The following SNX29 variants were observed in gnomAD, a reference collection of about 807,000 sequenced individuals.
SNX29 encodes sorting nexin 29.
A neutral mutation model predicts 102.1 loss-of-function variants in SNX29; 78 were observed. That is an observed-to-expected ratio of 0.76 (90% CI 0.64 to 0.92). The LOEUF (loss-of-function observed/expected upper bound fraction) is 0.92. Among genes scored for constraint, SNX29 ranks in the 40% least tolerant of loss-of-function variants. The pLI is 0.00. For missense variants in SNX29, 1,280 were observed against 1,061.7 expected (o/e 1.21, Z -2.86); for synonymous variants, 580 against 414.5 (o/e 1.40, Z -4.85).
intron 20 of SNX29, among the ~76,000 whole-genome samples, chr16:12,544,900 A>C (rs952093330): frequency 2.0e-5 from 3 of 152,200 alleles, no homozygotes; most frequent in African/African-American, 7.2e-5. Context: ...GTGGGCCAGT[A>C]ATCAATAGTC....
At chr16:12,538,829 C>T (rs527355420) in intron 20 of SNX29, among the ~76,000 whole-genome samples, 4 of 152,238 alleles carry the variant, frequency 2.6e-5, no homozygotes, top group Admixed American at 1.3e-4. Flanking sequence ...GAGGGCACTG[C>T]AAAGTCACGT....
At chr16:12,056,024 GGAGT>G (rs2050506812) in intron 8 of SNX29, among the ~76,000 whole-genome samples, 1 of 152,120 alleles carries the variant, frequency 6.6e-6, no homozygotes, top group African/African-American at 2.4e-5. Context: ...TGGGACTACA[GGAGT>G]GTGCCACTAT....
chr16:12,421,993 A>ATCAGCCATCCATCCCTTTCATCG (rs1338937547), intron 18 of SNX29, among the ~76,000 whole-genome samples: 49 of 152,236 alleles, frequency 3.2e-4, no homozygotes, highest in Non-Finnish European at 5.0e-4. Flanking sequence ...CATCACCATC[A>ATCAGCCATCCATCCCTTTCATCG]TCAGCCATCC....
At chr16:12,273,060 G>T (rs534635951) in intron 14 of SNX29, among the ~76,000 whole-genome samples, 2 of 152,162 alleles carry the variant, frequency 1.3e-5, no homozygotes, top group Admixed American at 1.3e-4. Flanking sequence ...TTTCCTGCAC[G>T]ATCTCTTGAT....
rs138877890 is a variant in SNX29 at position 12,562,609 on chromosome 16, C to G, written c.2319-5897C>G. Reference sequence around the variant, plus strand: ...GAGACGGGGACAAAGGTCGCTGGCTCTTGAGAGCTACAGGCTATCAGGGTC... The same window carrying G: ...GAGACGGGGACAAAGGTCGCTGGCTGTTGAGAGCTACAGGCTATCAGGGTC... On this transcript the variant is annotated intron_variant, in intron 20 of 20. Coordinates refer to ENST00000566228, the MANE Select transcript of SNX29 (RefSeq NM_032167.5). Among the ~76,000 whole-genome samples, 400 of 152,288 alleles carry G rather than the reference C, an allele frequency of 2.6e-3. 1 individual carries two copies. The highest frequency in any genetic ancestry group is 9.1e-3 in the African/African-American group (380 of 41,550).
In SNX29 at chr16:12,013,498, AAAATATATATATATATAT is replaced by A. The variant is rs1400933796; in HGVS notation, c.122+10457_122+10474del. On this transcript the variant is annotated intron_variant, in intron 3 of 20. Transcript: ENST00000566228. ...CTGTCTCTACTGGGGGAAAAAAAAA[AAAATATATATATATATAT>A]ATATATATATATATATATATATATA... is the stretch of plus-strand genomic sequence containing the variant. 3.4e-3 allele frequency among the ~76,000 whole-genome samples: 114 copies of A among 33,508 alleles called. 9 individuals carry two copies. Among genetic ancestry groups the A allele is most frequent in the Middle Eastern group, 0.026 (2 of 76 alleles). The allele number at this position is 33,508 out of a possible 152,430, so 22.0% of individuals were successfully genotyped here. A position where few individuals can be genotyped will look rare whatever the true frequency, so the allele number is the denominator to read the frequency against.
At chr16:12,442,356 A>T (rs188382981) in intron 18 of SNX29, among the ~76,000 whole-genome samples, 3 of 152,054 alleles carry the variant, frequency 2.0e-5, no homozygotes, top group African/African-American at 7.2e-5. Flanking sequence ...GGAAGTGTCT[A>T]TTCACTCTCC....
chr16:12,462,017 A>ATG (rs1567588170), intron 18 of SNX29, among the ~76,000 whole-genome samples: 64 of 27,380 alleles, frequency 2.3e-3, no homozygotes, highest in East Asian at 4.0e-3. Flanking sequence ...ATATATGTAT[A>ATG]CACACACACA....
rs1199106996 is a variant in SNX29, at chr16:12,261,332, C to T, written c.1679-16601C>T. 1.2e-4 allele frequency among the ~76,000 whole-genome samples: 13 copies of T among 109,462 alleles called. No individual in the cohort carries two copies. In the East Asian group the frequency reaches 1.5e-3, roughly 12 times the overall value. The allele number at this position is 109,462 out of a possible 152,430, so 71.8% of individuals were successfully genotyped here. On this transcript the variant is annotated intron_variant, in intron 14 of 20. Coordinates refer to ENST00000566228, the MANE Select transcript of SNX29 (RefSeq NM_032167.5). Reference sequence around the variant, plus strand: ...TGGAGTAAGTGTTTGCTCTGAGCTCCGGTCTGTGCGTGCGTCCCTGGCTGG... The same window carrying T: ...TGGAGTAAGTGTTTGCTCTGAGCTCTGGTCTGTGCGTGCGTCCCTGGCTGG...
At chr16:12,563,931 G>C (rs8055170) in intron 20 of SNX29, among the ~76,000 whole-genome samples, 87,626 of 152,146 alleles carry the variant, frequency 0.58, 25,781 homozygotes, top group Middle Eastern at 0.72. Flanking sequence ...ACAATACCTA[G>C]ACGCTGATCT....
At chr16:12,476,351 CA>C (rs150729550) in intron 18 of SNX29, among the ~76,000 whole-genome samples, 554 of 9,036 alleles carry the variant, frequency 0.061, 12 homozygotes, top group African/African-American at 0.091. Context: ...CGACATTTCT[CA>C]AAAAAAAAAA....
chr16:12,515,422 T>C, intron 19 of SNX29: 1 of 449,854 alleles, frequency 2.2e-6, no homozygotes, highest in South Asian at 1.7e-5. Context: ...GATGAATGAT[T>C]GCACCCCATC....
chr16:12,397,031 T>C (rs1466052858), intron 16 of SNX29, among the ~76,000 whole-genome samples: 1 of 152,206 alleles, frequency 6.6e-6, no homozygotes, highest in East Asian at 1.9e-4. Flanking sequence ...AACTACAGGC[T>C]TCTGCCGCCA....
In SNX29 at chr16:12,571,690, GAGACA is replaced by G; in HGVS notation, c.*3063_*3067del. On this transcript the variant is annotated 3_prime_UTR_variant, in exon 21 of 21. Transcript: ENST00000566228. ...GCTGGGCAGAGGTGTCTCTCCTTGA[GAGACA>G]ACAAAAGCTTCTAAGGGAGGGAGCT... is the stretch of plus-strand genomic sequence containing the variant. The G allele has an allele frequency of 9.5e-7, 1 of 1,052,438 alleles. No homozygotes were observed. The highest frequency in any genetic ancestry group is 4.7e-5 in the South Asian group (1 of 21,424). The allele number at this position is 1,052,438 out of a possible 1,614,324, so 65.2% of individuals were successfully genotyped here.
chr16:12,010,505 G>T (rs2056611879), intron 3 of SNX29, among the ~76,000 whole-genome samples: 1 of 151,966 alleles, frequency 6.6e-6, no homozygotes, highest in Non-Finnish European at 1.5e-5. Flanking sequence ...GCAGGCCTGT[G>T]GTCTCAGCTA....
rs1598136930 is a variant in SNX29, at chr16:12,570,517, A to G, written c.*1888A>G. The G allele has an allele frequency of 8.6e-6, 2 of 232,706 alleles. No individual in the cohort carries two copies. Among genetic ancestry groups the G allele is most frequent in the African/African-American group, 4.4e-5 (2 of 45,432 alleles). 14.4% of individuals were successfully genotyped at this position (232,706 alleles called of 1,614,324 possible). ...ACCCCTTAGGTTGGGTTTATGCCAC[A>G]TCGGTCATTTTGAAGTAGGTGTTTG... On this transcript the variant is annotated 3_prime_UTR_variant, in exon 21 of 21. Coordinates refer to ENST00000566228, the MANE Select transcript of SNX29 (RefSeq NM_032167.5).
rs79162952 is a variant in SNX29 at position 12,571,507 on chromosome 16, C to G, written c.*2878C>G. 2.9e-4 allele frequency: 165 copies of G among 577,332 alleles called. 2 individuals carry two copies. The East Asian group carries it at 9.0e-3, about 31-fold the overall frequency. 35.8% of individuals were successfully genotyped at this position (577,332 alleles called of 1,614,324 possible). ...AGAGGAACGAGGGTGGCCCACCTCTCAAGGGCCTTGGATTCCTGGGACCAC... is the reference window on the plus strand; with the variant it reads ...AGAGGAACGAGGGTGGCCCACCTCTGAAGGGCCTTGGATTCCTGGGACCAC... On this transcript the variant is annotated 3_prime_UTR_variant, in exon 21 of 21. Transcript: ENST00000566228.
intron 16 of SNX29, among the ~76,000 whole-genome samples, chr16:12,398,198 A>G (rs2083787484): frequency 6.6e-6 from 1 of 152,162 alleles, no homozygotes; most frequent in Non-Finnish European, 1.5e-5. Context: ...TTATCTCAAT[A>G]GGATTAACAG....
chr16:12,460,966 G>T (rs1445870487), intron 18 of SNX29, among the ~76,000 whole-genome samples: 2 of 152,176 alleles, frequency 1.3e-5, no homozygotes, highest in Non-Finnish European at 2.9e-5. Context: ...TTTAGAACAG[G>T]CACATTGCTT....
Sources: gnomAD v4.1 joint callset for allele counts (sites outside exome capture counted in the v4.1 genomes callset) on GRCh38, gnomAD v4.1.1 for gene constraint, MANE v1.5 for transcripts, NCBI Gene and HGNC (gene_info 2026-07-23, HGNC 2026-07-21) for gene names.